CMTM4: variants seen among roughly 807,000 people sequenced by gnomAD.
CMTM4 encodes CKLF like MARVEL transmembrane domain containing 4, also known as CKLF-like MARVEL transmembrane domain-containing protein 4.
CMTM4 carries 8 observed loss-of-function variants against 19.0 expected under a neutral mutation model. The ratio of observed to expected loss-of-function variants is 0.42; its 90% CI spans 0.25 to 0.76. The LOEUF is 0.76. Among genes scored for constraint, CMTM4 ranks in the 30% least tolerant of loss-of-function variants. The probability of loss-of-function intolerance (pLI) is 0.27; values close to 1 mark genes in which losing one functional copy is unlikely to be tolerated. For synonymous variants in CMTM4, 106 were observed against 121.1 expected (o/e 0.88, Z 0.82); for missense variants, 228 against 290.2 (o/e 0.79, Z 1.56).
chr16:66,634,464 AAAC>A (rs1319856759), intron 2 of CMTM4, among the ~76,000 whole-genome samples: 1 of 152,034 alleles, frequency 6.6e-6, no homozygotes, highest in Non-Finnish European at 1.5e-5. Flanking sequence ...AAAAACCCAA[AAAC>A]AACAAAAAGT....
At chr16:66,607,280 T>C in the CMTM4 span, among the ~76,000 whole-genome samples, 1 of 152,288 alleles carries the variant, frequency 6.6e-6, no homozygotes. Context: ...ACCTACAGAG[T>C]TGTGGGCAAG....
the CMTM4 span, among the ~76,000 whole-genome samples, chr16:66,598,548 C>G: frequency 6.6e-6 from 1 of 152,182 alleles, no homozygotes; most frequent in Non-Finnish European, 1.5e-5. Context: ...ATAAAGAACA[C>G]TTCTTAGCAC....
chr16:66,598,868 G>T, the CMTM4 span, among the ~76,000 whole-genome samples: 2 of 152,092 alleles, frequency 1.3e-5, no homozygotes, highest in Non-Finnish European at 2.9e-5. Flanking sequence ...GGGTCAGGCA[G>T]GGTGATTCAG....
At chr16:66,689,220 T>C (rs925755442) in intron 1 of CMTM4, among the ~76,000 whole-genome samples, 1 of 152,224 alleles carries the variant, frequency 6.6e-6, no homozygotes, top group East Asian at 1.9e-4. Context: ...GGGGAAAGCA[T>C]TCATTCTTTC....
At chr16:66,640,045 C>T (rs2016070291) in intron 1 of CMTM4, among the ~76,000 whole-genome samples, 1 of 151,410 alleles carries the variant, frequency 6.6e-6, no homozygotes, top group African/African-American at 2.4e-5. Context: ...AAGTTTAGGG[C>T]AGGCGCAGTG....
intron 1 of CMTM4, among the ~76,000 whole-genome samples, chr16:66,683,194 C>CATATATATATATATATATAAAT (rs71378405): frequency 9.3e-6 from 1 of 107,674 alleles, no homozygotes; most frequent in African/African-American, 4.0e-5. Context: ...TATATATATA[C>CATATATATATATATATATAAAT]ATATATATAT....
At chr16:66,602,300 G>A in the CMTM4 span, among the ~76,000 whole-genome samples, 22 of 152,110 alleles carry the variant, frequency 1.4e-4, no homozygotes, top group African/African-American at 5.3e-4. Context: ...GGGAGACTGA[G>A]GCATGAGAAT....
intron 2 of CMTM4, among the ~76,000 whole-genome samples, chr16:66,628,947 C>G (rs1313672845): frequency 6.6e-6 from 1 of 152,102 alleles, no homozygotes; most frequent in East Asian, 1.9e-4. Flanking sequence ...GTTTTCATTT[C>G]TCTTGGGTCA....
At chr16:66,673,918 C>T (rs1225448632) in intron 1 of CMTM4, among the ~76,000 whole-genome samples, 1 of 152,212 alleles carries the variant, frequency 6.6e-6, no homozygotes, top group African/African-American at 2.4e-5. Flanking sequence ...CATGTGCTGT[C>T]TTCCACAATG....
At position 66,618,334 on chromosome 16, in the gene CMTM4, C is replaced by T. The variant is rs980281468; in HGVS notation, c.*3724G>A. ...TGACAGTCAGGCAGTGGCACAAAGA[C>T]TTCATGACTGTTTTGTTTTGAACAC... On this transcript the variant is annotated 3_prime_UTR_variant, in exon 4 of 4. Transcript: ENST00000394106. 2.0e-6 allele frequency: 2 copies of T among 985,344 alleles called. No homozygotes were observed. Among genetic ancestry groups the T allele is most frequent in the African/African-American group, 3.5e-5 (2 of 57,238 alleles). The allele number at this position is 985,344 out of a possible 1,614,324, so 61.0% of individuals were successfully genotyped here. A position where few individuals can be genotyped will look rare whatever the true frequency, so the allele number is the denominator to read the frequency against.
At chr16:66,644,434 T>C (rs1277775026) in intron 1 of CMTM4, among the ~76,000 whole-genome samples, 1 of 152,238 alleles carries the variant, frequency 6.6e-6, no homozygotes, top group Non-Finnish European at 1.5e-5. Flanking sequence ...AAGGATCTAT[T>C]GCAGTGGAGG....
At position 66,620,540 on chromosome 16, in the gene CMTM4, C is replaced by T. The variant is rs938835140; in HGVS notation, c.*1518G>A. On this transcript the variant is annotated 3_prime_UTR_variant, in exon 4 of 4. Transcript: ENST00000394106. ...TGCTGTCCTTTTCTGGGGAATGAGA[C>T]GCCACATGTCCATAAGGTGACGCTT... 14 of 985,348 alleles carry T rather than the reference C, an allele frequency of 1.4e-5. No individual in the cohort carries two copies. The South Asian group carries it at 1.9e-4, about 13-fold the overall frequency. The allele number at this position is 985,348 out of a possible 1,614,324, so 61.0% of individuals were successfully genotyped here. A position where few individuals can be genotyped will look rare whatever the true frequency, so the allele number is the denominator to read the frequency against.
At chr16:66,672,724 C>T (rs1470968718) in intron 1 of CMTM4, among the ~76,000 whole-genome samples, 1 of 151,680 alleles carries the variant, frequency 6.6e-6, no homozygotes, top group Non-Finnish European at 1.5e-5. Context: ...ATTCTCCTGC[C>T]TCAGCCTCCC....
Position 66,619,912 on chromosome 16 carries a change from T to A in CMTM4, c.*2146A>T. 4 of 985,496 alleles carry A rather than the reference T, an allele frequency of 4.1e-6. No homozygotes were observed. The highest frequency in any genetic ancestry group is 4.8e-6 in the Non-Finnish European group (4 of 829,952). 61.0% of individuals were successfully genotyped at this position (985,496 alleles called of 1,614,324 possible). On this transcript the variant is annotated 3_prime_UTR_variant, in exon 4 of 4. Coordinates refer to ENST00000394106, the MANE Select transcript of CMTM4 (RefSeq NM_181521.3). The stretch of plus-strand genomic sequence containing the variant: ...TCTGGCGTGTCATCCTTTTTGGTCA[T>A]TCATCTGCATTTAGTTTCAGTGACT...
intron 1 of CMTM4, among the ~76,000 whole-genome samples, chr16:66,688,527 AACACACAC>A (rs59727449): frequency 3.4e-5 from 5 of 148,480 alleles, no homozygotes; most frequent in Admixed American, 1.4e-4. Context: ...CACTCCCCTC[AACACACAC>A]ACACACACAC....
chr16:66,604,307 C>T, the CMTM4 span: 1 of 152,406 alleles, frequency 6.6e-6, no homozygotes, highest in South Asian at 2.1e-4. Context: ...CCAAGAAAGT[C>T]GCAAGAAAAC....
chr16:66,663,942 C>G (rs1033645982), intron 1 of CMTM4, among the ~76,000 whole-genome samples: 1 of 152,088 alleles, frequency 6.6e-6, no homozygotes, highest in African/African-American at 2.4e-5. Context: ...TTATATAAAG[C>G]TTAGAACAGG....
chr16:66,659,307 G>A (rs902402199), intron 1 of CMTM4, among the ~76,000 whole-genome samples: 19 of 151,876 alleles, frequency 1.3e-4, no homozygotes, highest in Admixed American at 8.5e-4. Context: ...CCTCAGAGGC[G>A]GAGGTTGCAG....
At chr16:66,683,129 GTATA>G (rs751833787) in intron 1 of CMTM4, among the ~76,000 whole-genome samples, 23 of 115,950 alleles carry the variant, frequency 2.0e-4, no homozygotes, top group African/African-American at 4.0e-4. Flanking sequence ...GTGTGTGTGT[GTATA>G]TATATATATA....
Sources: allele counts gnomAD v4.1 joint callset (sites outside exome capture counted in the v4.1 genomes callset), GRCh38; gene constraint gnomAD v4.1.1; transcripts MANE v1.5; gene names NCBI Gene and HGNC (gene_info 2026-07-23, HGNC 2026-07-21).